The following AHI1 variants were observed in gnomAD, a reference collection of about 807,000 sequenced individuals.
AHI1 encodes the protein jouberin.
AHI1 carries 123 observed loss-of-function variants against 149.3 expected under a neutral mutation model. The observed-to-expected ratio is 0.82, with a 90% CI of 0.71 to 0.96. AHI1 has a LOEUF of 0.96. Ranked by LOEUF, AHI1 falls within the 40% of genes least tolerant of loss-of-function variation. The pLI, the probability that AHI1 is intolerant of heterozygous loss-of-function variation, is 0.00. For synonymous variants in AHI1, 475 were observed against 459.8 expected (o/e 1.03, Z -0.42); for missense variants, 1,439 against 1,422.7 (o/e 1.01, Z -0.18).
rs527531267 is a variant in AHI1 at position 135,355,314 on chromosome 6, G to A, written c.3165+2818C>T. 7.4e-4 allele frequency among the ~76,000 whole-genome samples: 111 copies of A among 149,994 alleles called. 1 individual carries two copies. The highest frequency in any genetic ancestry group is 2.7e-3 in the African/African-American group (109 of 40,792). Reference sequence around the variant, plus strand: ...GAGATTTTTTTCACTTTCTATTAAAGGTATCTCAAAAAAACAAATATGGTA... The same window carrying A: ...GAGATTTTTTTCACTTTCTATTAAAAGTATCTCAAAAAAACAAATATGGTA... On this transcript the variant is annotated intron_variant, in intron 24 of 28. Coordinates refer to ENST00000265602, the MANE Select transcript of AHI1 (RefSeq NM_001134831.2).
intron 28 of AHI1, among the ~76,000 whole-genome samples, chr6:135,289,840 C>G (rs994243166): frequency 9.2e-5 from 14 of 152,080 alleles, no homozygotes; most frequent in Non-Finnish European, 1.5e-4. Context: ...AACATTTCAC[C>G]TTGAACAGAA....
At chr6:135,462,305 T>C (rs549878105) in intron 8 of AHI1, among the ~76,000 whole-genome samples, 6 of 151,664 alleles carry the variant, frequency 4.0e-5, no homozygotes, top group African/African-American at 1.5e-4. Flanking sequence ...GAAAAGAACA[T>C]GTAAAGAAAA....
At chr6:135,323,392 C>A in intron 24 of AHI1, 68 bp from the exon 25 acceptor site, 5 of 1,522,726 alleles carry the variant, frequency 3.3e-6, no homozygotes, top group Non-Finnish European at 4.5e-6. Context: ...CCAACATTCA[C>A]TTCCTCTTGC....
intron 3 of AHI1, among the ~76,000 whole-genome samples, chr6:135,493,248 C>T (rs925394544): frequency 6.6e-6 from 1 of 152,226 alleles, no homozygotes; most frequent in Non-Finnish European, 1.5e-5. Context: ...ATCTGCCCGA[C>T]TCAGCCTCCC....
chr6:135,313,273 T>C (rs1218932663), intron 26 of AHI1, among the ~76,000 whole-genome samples: 1 of 152,132 alleles, frequency 6.6e-6, no homozygotes, highest in African/African-American at 2.4e-5. Context: ...GAGAAAAAAA[T>C]ATATGCAGGA....
intron 13 of AHI1, among the ~76,000 whole-genome samples, chr6:135,445,053 T>C (rs1786951381): frequency 6.6e-6 from 1 of 152,260 alleles, no homozygotes; most frequent in Non-Finnish European, 1.5e-5. Flanking sequence ...TTTTCCCACC[T>C]AACTTGGAAG....
At chr6:135,352,693 T>TTG (rs66857107) in intron 24 of AHI1, among the ~76,000 whole-genome samples, 73,349 of 143,542 alleles carry the variant, frequency 0.51, 18,545 homozygotes, top group Middle Eastern at 0.63. Context: ...CAAAGACACA[T>TTG]TGTGTGTGTA....
At chr6:135,377,881 G>A (rs1214160634) in intron 23 of AHI1, among the ~76,000 whole-genome samples, 1 of 151,908 alleles carries the variant, frequency 6.6e-6, no homozygotes, top group Admixed American at 6.6e-5. Context: ...CTAAACATAA[G>A]AGAAAGCTAA....
At chr6:135,358,660 T>C (rs1190594570) in intron 23 of AHI1, among the ~76,000 whole-genome samples, 5 of 152,238 alleles carry the variant, frequency 3.3e-5, no homozygotes, top group African/African-American at 4.8e-5. Context: ...TGACATACTC[T>C]ATTTATTCAA....
intron 26 of AHI1, among the ~76,000 whole-genome samples, chr6:135,304,192 C>T (rs149378193): frequency 1.1e-4 from 16 of 152,208 alleles, no homozygotes; most frequent in African/African-American, 3.9e-4. Context: ...GTAGCTGGGA[C>T]TACAGGTGTA....
chr6:135,361,663 ACAC>A (rs1793898559), intron 23 of AHI1, among the ~76,000 whole-genome samples: 11 of 150,456 alleles, frequency 7.3e-5, no homozygotes, highest in Admixed American at 7.3e-4. Flanking sequence ...ACACACACAC[ACAC>A]ACACACACAC....
At chr6:135,334,252 AT>A (rs1198457255) in intron 24 of AHI1, among the ~76,000 whole-genome samples, 1 of 152,118 alleles carries the variant, frequency 6.6e-6, no homozygotes, top group Non-Finnish European at 1.5e-5. Context: ...CATCGATGTG[AT>A]GATGGGGCCT....
chr6:135,328,488 A>T (rs576218232), intron 24 of AHI1, among the ~76,000 whole-genome samples: 4 of 48,008 alleles, frequency 8.3e-5, no homozygotes, highest in African/African-American at 1.6e-4. Flanking sequence ...TTGGGGTGCC[A>T]TAAACCATAG....
At position 135,411,387 on chromosome 6, in the gene AHI1, C is replaced by T. The variant is rs369365764; in HGVS notation, c.2922G>A (p.Thr974=). Residue 974 remains threonine, a synonymous_variant, in exon 21 of 29, where the codon ACG becomes ACA. Coordinates refer to ENST00000265602, the MANE Select transcript of AHI1 (RefSeq NM_001134831.2). ...DEFVHTESSS[T]KMQLVKQRLE... ...GCCTCTGTTTTACTAGCTGCATCTTCGTTGAAGAACTTTCAGTGTGGACAA... is the reference window on the plus strand; with the variant it reads ...GCCTCTGTTTTACTAGCTGCATCTTTGTTGAAGAACTTTCAGTGTGGACAA... 1.6e-5 allele frequency: 26 copies of T among 1,613,668 alleles called. No individual in the cohort carries two copies. The highest frequency in any genetic ancestry group is 1.9e-5 in the Non-Finnish European group (23 of 1,179,762).
intron 24 of AHI1, among the ~76,000 whole-genome samples, chr6:135,352,592 C>T (rs757889381): frequency 1.3e-5 from 2 of 151,942 alleles, no homozygotes; most frequent in Non-Finnish European, 2.9e-5. Flanking sequence ...ACATGACATC[C>T]CTTCCGTTAT....
chr6:135,352,527 C>T (rs1013482477), intron 24 of AHI1, among the ~76,000 whole-genome samples: 1 of 152,136 alleles, frequency 6.6e-6, no homozygotes, highest in Non-Finnish European at 1.5e-5. Context: ...GGAATTCCTA[C>T]AGCACTCAAA....
chr6:135,349,465 A>T (rs543128818), intron 24 of AHI1, among the ~76,000 whole-genome samples: 16 of 152,340 alleles, frequency 1.1e-4, no homozygotes, highest in African/African-American at 3.8e-4. Flanking sequence ...CCCACATCCC[A>T]CTGCTTAGCA....
chr6:135,442,959 AG>A (rs1583255754), intron 13 of AHI1, among the ~76,000 whole-genome samples: 1 of 152,188 alleles, frequency 6.6e-6, no homozygotes, highest in East Asian at 1.9e-4. Context: ...AAATATGAAT[AG>A]AAAAATTTCA....
At position 135,300,483 on chromosome 6, in the gene AHI1, T is replaced by C. The variant is rs769540145; in HGVS notation, c.3485+17A>G. ...CAACCATTTATCACTGCAAATTATT[T>C]TGAAGAAGTTGCTTACTGTGTCATA... On this transcript the variant is annotated intron_variant, in intron 27 of 28. Coordinates refer to ENST00000265602, the MANE Select transcript of AHI1 (RefSeq NM_001134831.2). 2 of 1,590,688 alleles carry C rather than the reference T, an allele frequency of 1.3e-6. No individual in the cohort carries two copies. Among genetic ancestry groups the C allele is most frequent in the Non-Finnish European group, 1.7e-6 (2 of 1,168,800 alleles).
Sources: allele counts gnomAD v4.1 joint callset (sites outside exome capture counted in the v4.1 genomes callset), GRCh38; gene constraint gnomAD v4.1.1; transcripts MANE v1.5; gene names NCBI Gene and HGNC (gene_info 2026-07-23, HGNC 2026-07-21).